LRRC53: variants seen among roughly 807,000 people sequenced by gnomAD.
LRRC53 encodes the protein leucine-rich repeat-containing protein 53.
A neutral mutation model predicts 13.6 loss-of-function variants in LRRC53; 25 were observed. The observed-to-expected ratio is 1.83, with a 90% CI of 1.34 to 2.56. The LOEUF (loss-of-function observed/expected upper bound fraction) is 2.56. Among genes scored for constraint, LRRC53 ranks in the 30% most tolerant of loss-of-function variants. The pLI, the probability that LRRC53 is intolerant of heterozygous loss-of-function variation, is 0.00. For missense variants in LRRC53, 527 were observed against 275.8 expected (o/e 1.91, Z -6.45); for synonymous variants, 204 against 109.8 (o/e 1.86, Z -5.37).
the LRRC53 span, among the ~76,000 whole-genome samples, chr1:74,530,010 C>G: frequency 0.94 from 142,817 of 152,160 alleles, 67,148 homozygotes; most frequent in Middle Eastern, 0.97. Flanking sequence ...TGTCACCCAG[C>G]CTGGAGAACA....
intron 2 of LRRC53, among the ~76,000 whole-genome samples, chr1:74,482,597 C>T (rs1668562297): frequency 6.6e-6 from 1 of 152,176 alleles, no homozygotes; most frequent in Non-Finnish European, 1.5e-5. Flanking sequence ...TCCTCTTCCA[C>T]TCTGTCGTAA....
At chr1:74,524,069 C>T in the LRRC53 span, among the ~76,000 whole-genome samples, 1 of 152,210 alleles carries the variant, frequency 6.6e-6, no homozygotes, top group Non-Finnish European at 1.5e-5. Context: ...TTTTGCAAAG[C>T]ATTGACATTT....
intron 1 of LRRC53, among the ~76,000 whole-genome samples, chr1:74,504,045 T>C (rs542478205): frequency 6.6e-6 from 1 of 152,192 alleles, no homozygotes; most frequent in East Asian, 1.9e-4. Flanking sequence ...ACATAACACC[T>C]CTTCACCGCA....
chr1:74,485,714 AAGTC>A (rs1431458716), intron 1 of LRRC53, among the ~76,000 whole-genome samples: 1 of 152,212 alleles, frequency 6.6e-6, no homozygotes, highest in Non-Finnish European at 1.5e-5. Flanking sequence ...CACAGAGTGG[AAGTC>A]AGGCATGTGC....
chr1:74,479,505 G>C (rs1668373093), intron 3 of LRRC53, among the ~76,000 whole-genome samples: 1 of 152,150 alleles, frequency 6.6e-6, no homozygotes, highest in South Asian at 2.1e-4. Flanking sequence ...GAAAACCAAG[G>C]CACAGAGAAG....
chr1:74,472,491 G>A (rs187488133), intron 4 of LRRC53, among the ~76,000 whole-genome samples: 1 of 152,234 alleles, frequency 6.6e-6, no homozygotes, highest in East Asian at 1.9e-4. Flanking sequence ...TTGTTGGTTA[G>A]GTTAGCTTTA....
the LRRC53 span, among the ~76,000 whole-genome samples, chr1:74,535,633 C>G: frequency 1.2e-3 from 176 of 152,294 alleles, no homozygotes; most frequent in African/African-American, 3.8e-3. Context: ...AGGGATGGAA[C>G]AGTATCCCCT....
the LRRC53 span, among the ~76,000 whole-genome samples, chr1:74,521,012 A>T: frequency 1.3e-5 from 2 of 152,120 alleles, no homozygotes; most frequent in Non-Finnish European, 2.9e-5. Flanking sequence ...GGGAGCACAG[A>T]TCCACCTTCT....
At chr1:74,527,093 C>T in the LRRC53 span, among the ~76,000 whole-genome samples, 2 of 152,166 alleles carry the variant, frequency 1.3e-5, no homozygotes, top group Admixed American at 1.3e-4. Context: ...AGCCCCAAAA[C>T]TGTATACATT....
intron 1 of LRRC53, among the ~76,000 whole-genome samples, chr1:74,488,949 T>A (rs542861336): frequency 6.6e-6 from 1 of 152,322 alleles, no homozygotes; most frequent in East Asian, 1.9e-4. Context: ...TTCCACTATT[T>A]CATTATCTGA....
At chr1:74,532,983 A>G in the LRRC53 span, among the ~76,000 whole-genome samples, 74 of 152,362 alleles carry the variant, frequency 4.9e-4, no homozygotes, top group African/African-American at 1.7e-3. Flanking sequence ...CCTAGGCATT[A>G]CCATTCAGGA....
At chr1:74,477,958 A>G (rs1416780789) in intron 3 of LRRC53, among the ~76,000 whole-genome samples, 1 of 152,238 alleles carries the variant, frequency 6.6e-6, no homozygotes, top group Admixed American at 6.5e-5. Context: ...CTACCAGTTC[A>G]TAGTGTAAGT....
chr1:74,513,833 C>T (rs1204995221), upstream of LRRC53, among the ~76,000 whole-genome samples: 2 of 152,112 alleles, frequency 1.3e-5, no homozygotes, highest in Non-Finnish European at 2.9e-5. Context: ...AAAAAGGAGA[C>T]CTGAAAGCAT....
chr1:74,524,471 T>C, the LRRC53 span, among the ~76,000 whole-genome samples: 1 of 152,124 alleles, frequency 6.6e-6, no homozygotes. Flanking sequence ...CTGTGGAATC[T>C]CCACACAACT....
intron 1 of LRRC53, among the ~76,000 whole-genome samples, chr1:74,485,839 G>C: frequency 6.6e-6 from 1 of 152,100 alleles, no homozygotes; most frequent in South Asian, 2.1e-4. Flanking sequence ...CAGATGGCAA[G>C]AAAACAGACA....
chr1:74,494,193 A>G (rs1345398517), intron 1 of LRRC53, among the ~76,000 whole-genome samples: 1 of 152,196 alleles, frequency 6.6e-6, no homozygotes, highest in Non-Finnish European at 1.5e-5. Flanking sequence ...ACACCTGCAT[A>G]TACATACACA....
rs548698862 is a variant in LRRC53 at position 74,476,859 on chromosome 1, G to A, written c.905-1049C>T. Among the ~76,000 whole-genome samples the A allele has an allele frequency of 2.0e-5, 3 of 152,218 alleles. No individual in the cohort carries two copies. The South Asian group carries it at 6.2e-4, about 32-fold the overall frequency. On this transcript the variant is annotated intron_variant, in intron 3 of 4. Coordinates refer to ENST00000294635, the MANE Select transcript of LRRC53 (RefSeq NM_001382280.1). ...TTTTTAAAACTTAAATGAAAAGGGAGGGTATCAGGTCATGATTGTTTCTTT... is the reference window on the plus strand; with the variant it reads ...TTTTTAAAACTTAAATGAAAAGGGAAGGTATCAGGTCATGATTGTTTCTTT...
intron 1 of LRRC53, among the ~76,000 whole-genome samples, chr1:74,512,256 G>C (rs953133532): frequency 2.0e-5 from 3 of 152,126 alleles, no homozygotes; most frequent in Admixed American, 1.3e-4. Flanking sequence ...GGATAATATG[G>C]TAATCTAGAT....
intron 4 of LRRC53, among the ~76,000 whole-genome samples, chr1:74,474,911 A>G (rs1015105334): frequency 3.3e-5 from 5 of 152,100 alleles, no homozygotes; most frequent in African/African-American, 1.2e-4. Flanking sequence ...TGCTTACTGC[A>G]GAATTGGCAT....
Sources: allele counts gnomAD v4.1 joint callset (sites outside exome capture counted in the v4.1 genomes callset), GRCh38; gene constraint gnomAD v4.1.1; transcripts MANE v1.5; gene names NCBI Gene and HGNC (gene_info 2026-07-23, HGNC 2026-07-21).